The following RBBP7 variants were observed in gnomAD, a reference collection of about 807,000 sequenced individuals.
RBBP7 encodes RB binding protein 7, chromatin remodeling factor.
Under a neutral mutation model 35.2 loss-of-function variants are expected in RBBP7, and 5 were observed. That is an observed-to-expected ratio of 0.14 (90% CI 0.07 to 0.30). The LOEUF is 0.30. RBBP7 is among the 10% of genes least tolerant of loss of function. The pLI is 1.00. For missense variants in RBBP7, 155 were observed against 327.5 expected (o/e 0.47, Z 4.07); for synonymous variants, 140 against 118.7 (o/e 1.18, Z -1.17).
At chrX:16,857,815 C>A in intron 4 of RBBP7, 106 bp from the exon 5 acceptor site, 1 of 1,061,833 alleles carries the variant, frequency 9.4e-7, no homozygotes, top group Non-Finnish European at 1.2e-6. Flanking sequence ...TGCACACGAA[C>A]GAGATCTGGT....
intron 2 of RBBP7, among the ~76,000 whole-genome samples, chrX:16,866,544 A>G (rs1930623085): frequency 9.8e-6 from 1 of 101,795 alleles, no homozygotes; most frequent in African/African-American, 3.6e-5. Flanking sequence ...AAAAAAAAAA[A>G]AAAAAAAAAA....
At chrX:16,847,076 C>CCTCTGCAG (rs1930096733) in intron 10 of RBBP7, 1 of 110,853 alleles carries the variant, frequency 9.0e-6, no homozygotes, top group Non-Finnish European at 1.9e-5. Flanking sequence ...TTGCAGTGAA[C>CCTCTGCAG]TAAGACTGCG....
intron 5 of RBBP7, 47 bp downstream of exon 5, chrX:16,857,547 C>G (rs767052987): frequency 3.2e-5 from 38 of 1,203,791 alleles, no homozygotes; most frequent in Non-Finnish European, 4.0e-5. Context: ...AGCTGTGACA[C>G]GTCAGCTCTC....
intron 10 of RBBP7, 179 bp from the exon 11 acceptor site, chrX:16,846,117 A>G: frequency 1.4e-6 from 1 of 729,689 alleles, no homozygotes. Context: ...CCAAACCTCC[A>G]GAATAGGTGA....
intron 6 of RBBP7, 151 bp downstream of exon 6, chrX:16,853,531 C>T: frequency 2.2e-6 from 1 of 446,437 alleles, no homozygotes. Flanking sequence ...CCTCAGCTTC[C>T]CAAGGTATTG....
At chrX:16,858,033 G>C (rs895554347) in intron 4 of RBBP7, among the ~76,000 whole-genome samples, 7 of 111,422 alleles carry the variant, frequency 6.3e-5, no homozygotes, top group African/African-American at 2.3e-4. Context: ...CATGCCTCTA[G>C]GGTAGCCTGC....
intron 11 of RBBP7, among the ~76,000 whole-genome samples, chrX:16,845,388 A>G (rs1317289515): frequency 8.9e-6 from 1 of 112,232 alleles, no homozygotes; most frequent in East Asian, 2.8e-4. Flanking sequence ...AGGAAGTGGT[A>G]GCCCAGATGT....
chrX:16,857,787 G>C, intron 4 of RBBP7, 78 bp from the exon 5 acceptor site: 1 of 1,142,964 alleles, frequency 8.7e-7, no homozygotes, highest in Non-Finnish European at 1.2e-6. Flanking sequence ...CCTTCATTGA[G>C]TGAACCATTA....
chrX:16,854,976 C>A (rs1482190837), intron 5 of RBBP7, among the ~76,000 whole-genome samples: 1 of 81,263 alleles, frequency 1.2e-5, no homozygotes, highest in Non-Finnish European at 2.2e-5. Flanking sequence ...TCCACCGACA[C>A]TGGTATGGGT....
At chrX:16,855,995 CAAAAAAAAAAAA>C (rs754398259) in intron 5 of RBBP7, among the ~76,000 whole-genome samples, 4 of 15,994 alleles carry the variant, frequency 2.5e-4, no homozygotes, top group Admixed American at 1.2e-3. Context: ...GACCTTGTCT[CAAAAAAAAAAAA>C]AAAAAAAAAA....
intron 10 of RBBP7, chrX:16,847,878 T>G (rs1405368824): frequency 1.8e-5 from 2 of 111,318 alleles, no homozygotes; most frequent in Non-Finnish European, 3.8e-5. Context: ...AGTTTACTAC[T>G]CTCAAATGTC....
chrX:16,869,798 G>C, intron 1 of RBBP7: 1 of 927,863 alleles, frequency 1.1e-6, no homozygotes, highest in African/African-American at 2.1e-5. Flanking sequence ...AGCCGCTGGA[G>C]GAGGGAAGGG....
intron 8 of RBBP7, 27 bp downstream of exon 8, chrX:16,852,524 T>C (rs773102423): frequency 1.7e-6 from 2 of 1,194,590 alleles, no homozygotes; most frequent in South Asian, 3.5e-5. Flanking sequence ...TTTCCTGACA[T>C]ACAGACACCA....
At chrX:16,866,666 C>T (rs920434263) in intron 2 of RBBP7, among the ~76,000 whole-genome samples, 1 of 110,008 alleles carries the variant, frequency 9.1e-6, no homozygotes, top group South Asian at 3.9e-4. Flanking sequence ...TCCAAGTAAT[C>T]GTTATGAAGC....
chrX:16,852,286 C>A, intron 8 of RBBP7, 164 bp from the exon 9 acceptor site: 1 of 532,162 alleles, frequency 1.9e-6, no homozygotes, highest in Non-Finnish European at 3.2e-6. Flanking sequence ...TGCAAGGGCT[C>A]AGCTCCATCC....
chrX:16,870,000 C>A (rs769803773), intron 1 of RBBP7, 38 bp downstream of exon 1: 10 of 777,773 alleles, frequency 1.3e-5, no homozygotes, highest in Non-Finnish European at 1.4e-5. Context: ...CGCCGCCCCC[C>A]GCGGCCCCGG....
intron 6 of RBBP7, chrX:16,853,129 C>T: frequency 2.7e-6 from 1 of 375,693 alleles, no homozygotes; most frequent in Non-Finnish European, 4.5e-6. Flanking sequence ...CAAGTGTACA[C>T]AAAATACAGA....
chrX:16,868,992 T>C, intron 2 of RBBP7, 84 bp downstream of exon 2: 4 of 1,030,829 alleles, frequency 3.9e-6, no homozygotes, highest in East Asian at 3.1e-5. Flanking sequence ...TACATACTTA[T>C]GTTCTATGCA....
rs763066013 is a variant in RBBP7 at position 16,851,623 on chromosome X, G to C, written c.1040+423C>G. 5.4e-5 allele frequency among the ~76,000 whole-genome samples: 6 copies of C among 112,123 alleles called. No homozygotes were observed. The South Asian group carries it at 2.2e-3, about 42-fold the overall frequency. ...AGCAGTTACACAACCCACAGCAGGA[G>C]TGCACATCTGCAGAATGAATCACTG... On this transcript the variant is annotated intron_variant, in intron 9 of 11. Transcript: ENST00000380087.
Sources: gnomAD v4.1 joint callset for allele counts (sites outside exome capture counted in the v4.1 genomes callset) on GRCh38, gnomAD v4.1.1 for gene constraint, MANE v1.5 for transcripts, NCBI Gene and HGNC (gene_info 2026-07-23, HGNC 2026-07-21) for gene names.